The following DISC1 variants were observed in gnomAD, a reference collection of about 807,000 sequenced individuals.
DISC1 encodes DISC1 scaffold protein.
Under a neutral mutation model 84.5 loss-of-function variants are expected in DISC1, and 57 were observed. The ratio of observed to expected loss-of-function variants is 0.67; its 90% confidence interval spans 0.55 to 0.84. The LOEUF is 0.84. Ranked by LOEUF, DISC1 falls within the 40% of genes least tolerant of loss-of-function variation. The pLI is 0.00. For synonymous variants in DISC1, 411 were observed against 415.2 expected, an observed-to-expected ratio of 0.99 and a Z score of 0.12; for missense variants, 1,000 against 1,057.8, an observed-to-expected ratio of 0.95 and a Z score of 0.76.
At chr1:231,940,998 C>T (rs908293961) in intron 9 of DISC1, 2 of 152,188 alleles carry the variant, frequency 1.3e-5, no homozygotes, top group Admixed American at 1.3e-4. Flanking sequence ...CATGGGCATT[C>T]GCAGGGTGCA....
rs74144200 is a variant in DISC1 at position 231,928,229 on chromosome 1, A to G, written c.1982-30599A>G. ...TTAAAACTGGAGAGGCAAGGCACAT[A>G]GAAAGATAGGGATGACATGATATTT... On this transcript the variant is annotated intron_variant, in intron 9 of 12. Transcript: ENST00000439617. 8.1e-3 allele frequency among the ~76,000 whole-genome samples: 1,229 copies of G among 152,344 alleles called. 10 individuals carry two copies. Among genetic ancestry groups the G allele is most frequent in the African/African-American group, 0.028 (1,150 of 41,566 alleles).
At chr1:231,961,622 A>G (rs981545073) in intron 10 of DISC1, among the ~76,000 whole-genome samples, 1 of 152,168 alleles carries the variant, frequency 6.6e-6, no homozygotes, top group Admixed American at 6.5e-5. Flanking sequence ...GCAAGTGAGA[A>G]CATGCAGTGT....
At chr1:231,770,690 C>T in intron 5 of DISC1, 145 bp from the exon 6 acceptor site, 1 of 1,372,818 alleles carries the variant, frequency 7.3e-7, no homozygotes, top group Admixed American at 2.1e-5. Flanking sequence ...GTTCAGCAAA[C>T]CTCCAAAAAT....
chr1:231,752,960 A>G (rs903054152), intron 4 of DISC1, among the ~76,000 whole-genome samples: 1 of 152,380 alleles, frequency 6.6e-6, no homozygotes, highest in South Asian at 2.1e-4. Flanking sequence ...ACACTGGTGC[A>G]AGGAGTGGGC....
intron 10 of DISC1, among the ~76,000 whole-genome samples, chr1:231,987,369 A>G (rs1664596027): frequency 6.6e-6 from 1 of 152,200 alleles, no homozygotes; most frequent in Non-Finnish European, 1.5e-5. Flanking sequence ...AGCCATGACA[A>G]TAGGGTTAAG....
At chr1:231,945,570 A>T (rs777208709) in intron 9 of DISC1, among the ~76,000 whole-genome samples, 1 of 152,186 alleles carries the variant, frequency 6.6e-6, no homozygotes, top group Non-Finnish European at 1.5e-5. Flanking sequence ...AGCAAGAGGA[A>T]ACAAATTCAA....
chr1:231,875,804 T>C (rs1186408185), intron 9 of DISC1, among the ~76,000 whole-genome samples: 2 of 152,138 alleles, frequency 1.3e-5, no homozygotes, highest in Admixed American at 6.5e-5. Flanking sequence ...ACTTAGATCA[T>C]TCACAATTCC....
intron 1 of DISC1, among the ~76,000 whole-genome samples, chr1:231,628,971 A>C (rs974870055): frequency 6.6e-6 from 1 of 152,024 alleles, no homozygotes; most frequent in Non-Finnish European, 1.5e-5. Context: ...TCCTGGCTTC[A>C]ATCATTCCTC....
At chr1:231,672,605 A>T (rs1425666737) in intron 1 of DISC1, among the ~76,000 whole-genome samples, 2 of 152,144 alleles carry the variant, frequency 1.3e-5, no homozygotes, top group Non-Finnish European at 2.9e-5. Flanking sequence ...AGTGGAGCTC[A>T]TTCTGGCCTT....
At chr1:231,815,677 G>T (rs934058472) in intron 8 of DISC1, among the ~76,000 whole-genome samples, 3 of 151,038 alleles carry the variant, frequency 2.0e-5, no homozygotes, top group African/African-American at 7.3e-5. Context: ...GGTGGAGGTT[G>T]CAGTGAGCTG....
At chr1:231,849,171 A>T (rs955991345) in intron 9 of DISC1, among the ~76,000 whole-genome samples, 1 of 141,590 alleles carries the variant, frequency 7.1e-6, no homozygotes, top group Non-Finnish European at 1.5e-5. Flanking sequence ...CCTAGGCTGG[A>T]GTGCAATGGC....
chr1:231,734,835 T>C (rs1438158517), intron 3 of DISC1, among the ~76,000 whole-genome samples: 1 of 152,234 alleles, frequency 6.6e-6, no homozygotes, highest in Non-Finnish European at 1.5e-5. Flanking sequence ...AACAAAATGA[T>C]TTCCCAGTCT....
intron 6 of DISC1, among the ~76,000 whole-genome samples, chr1:231,789,009 C>G (rs1232469213): frequency 6.6e-6 from 1 of 151,958 alleles, no homozygotes; most frequent in Non-Finnish European, 1.5e-5. Context: ...AAAATCCTTG[C>G]CCACATGAAA....
chr1:231,691,460 A>G (rs1177822887), intron 1 of DISC1, among the ~76,000 whole-genome samples: 3 of 152,070 alleles, frequency 2.0e-5, no homozygotes, highest in African/African-American at 7.2e-5. Flanking sequence ...AAAGAAAAAA[A>G]GAAAAGGCTA....
chr1:231,774,779 A>C (rs1329985057), intron 6 of DISC1: 2 of 455,924 alleles, frequency 4.4e-6, no homozygotes, highest in Admixed American at 4.7e-5. Context: ...GAAGTGAAGC[A>C]TTTGAAAGAA....
chr1:232,026,591 A>AT, intron 12 of DISC1, 39 bp downstream of exon 12: 2 of 1,478,152 alleles, frequency 1.4e-6, no homozygotes, highest in Middle Eastern at 1.7e-4. Flanking sequence ...AGGCAAAGTT[A>AT]TTTTATAAAA....
At position 231,694,008 on chromosome 1, in the gene DISC1, A is replaced by G; in HGVS notation, c.250A>G (p.Arg84Gly). 1 of 1,614,150 alleles carries G rather than the reference A, an allele frequency of 6.2e-7. No individual in the cohort carries two copies. Among genetic ancestry groups the G allele is most frequent in the Non-Finnish European group, 8.5e-7 (1 of 1,179,986 alleles). Residue 84 changes from arginine (R) to glycine (G), a missense_variant, in exon 2 of 13, where the codon AGA (arginine) becomes GGA (glycine). Arg to Gly is a moderately radical substitution (Grantham distance 125). Transcript: ENST00000439617. ...EESHHSESRA[R>G]QCGLDSRGLL... ...GTCCCACCACTCGGAGTCCAGGGCC[A>G]GACAGTGTGGCCTTGACTCGAGAGG... is the stretch of plus-strand genomic sequence containing the variant.
intron 9 of DISC1, among the ~76,000 whole-genome samples, chr1:231,857,396 A>T (rs2084345598): frequency 6.6e-6 from 1 of 152,314 alleles, no homozygotes; most frequent in Non-Finnish European, 1.5e-5. Context: ...AAATGTTTAT[A>T]ATTGATTATC....
intron 9 of DISC1, among the ~76,000 whole-genome samples, chr1:231,910,270 G>C (rs928824398): frequency 3.9e-5 from 6 of 152,090 alleles, no homozygotes; most frequent in Non-Finnish European, 8.8e-5. Context: ...TGATGTTACG[G>C]TGTCAATTTT....
Sources: gnomAD v4.1 joint callset for allele counts (sites outside exome capture counted in the v4.1 genomes callset) on GRCh38, gnomAD v4.1.1 for gene constraint, MANE v1.5 for transcripts, NCBI Gene and HGNC (gene_info 2026-07-23, HGNC 2026-07-21) for gene names.